IL1RAPL1: variants seen among roughly 807,000 people sequenced by gnomAD.
IL1RAPL1 encodes the protein interleukin 1 receptor accessory protein like 1.
Under a neutral mutation model 48.4 loss-of-function variants are expected in IL1RAPL1, and 3 were observed. The observed-to-expected ratio is 0.06, with a 90% confidence interval of 0.03 to 0.16. The LOEUF (loss-of-function observed/expected upper bound fraction) is 0.16, where lower values mean the gene tolerates loss of function less well. IL1RAPL1 is among the 10% of genes least tolerant of loss of function. The probability of loss-of-function intolerance (pLI) is 1.00; values close to 1 mark genes in which losing one functional copy is unlikely to be tolerated. For synonymous variants in IL1RAPL1, 185 were observed against 187.7 expected, an observed-to-expected ratio of 0.99 and a Z score of 0.12; for missense variants, 349 against 530.6, an observed-to-expected ratio of 0.66 and a Z score of 3.36.
intron 2 of IL1RAPL1, among the ~76,000 whole-genome samples, chrX:29,000,111 T>C (rs1345152484): frequency 1.8e-5 from 2 of 111,243 alleles, no homozygotes; most frequent in Non-Finnish European, 3.8e-5. Flanking sequence ...CTTGCCTTTA[T>C]CAAAGACAGA....
intron 6 of IL1RAPL1, among the ~76,000 whole-genome samples, chrX:29,735,113 A>G (rs147230527): frequency 0.01 from 1,134 of 112,081 alleles, 12 homozygotes; most frequent in African/African-American, 0.034. Context: ...AGCTAAAATC[A>G]AGGTATTGGC....
rs148373980 is a variant in IL1RAPL1, at chrX:28,717,893, T to C, written c.-24-71427T>C. ...TCTGTTGCATTTAGATGCAAAATAA[T>C]CTAATGTAGTATTTTCCACAATGAG... On this transcript the variant is annotated intron_variant, in intron 1 of 10. Coordinates refer to ENST00000378993, the MANE Select transcript of IL1RAPL1 (RefSeq NM_014271.4). 1.6e-4 allele frequency among the ~76,000 whole-genome samples: 18 copies of C among 111,591 alleles called. No homozygotes were observed. The East Asian group carries it at 4.8e-3, about 30-fold the overall frequency.
At chrX:28,604,253 C>A (rs1163805063) in intron 1 of IL1RAPL1, among the ~76,000 whole-genome samples, 1 of 111,168 alleles carries the variant, frequency 9.0e-6, no homozygotes, top group African/African-American at 3.3e-5. Context: ...CTCCCAATTG[C>A]AGAAGACATC....
intron 5 of IL1RAPL1, among the ~76,000 whole-genome samples, chrX:29,408,788 T>A (rs780069809): frequency 8.9e-6 from 1 of 112,230 alleles, no homozygotes; most frequent in Non-Finnish European, 1.9e-5. Context: ...GTTAAGTGGC[T>A]TTATCAAGGT....
chrX:29,021,214 GGA>G (rs1926358619), intron 2 of IL1RAPL1, among the ~76,000 whole-genome samples: 7 of 30,903 alleles, frequency 2.3e-4, no homozygotes, highest in African/African-American at 9.8e-4. Flanking sequence ...TCCGTCTCAA[GGA>G]AAAAAAAAAA....
intron 5 of IL1RAPL1, among the ~76,000 whole-genome samples, chrX:29,541,749 A>G (rs1007356269): frequency 3.6e-5 from 4 of 110,904 alleles, no homozygotes; most frequent in African/African-American, 1.3e-4. Flanking sequence ...ACTTATGGAT[A>G]TAAAGAAGGC....
chrX:29,559,718 C>T (rs937233651), intron 5 of IL1RAPL1, among the ~76,000 whole-genome samples: 1 of 109,294 alleles, frequency 9.1e-6, no homozygotes, highest in Non-Finnish European at 1.9e-5. Context: ...TTACATAAAA[C>T]ATCTAATAGT....
intron 2 of IL1RAPL1, among the ~76,000 whole-genome samples, chrX:29,205,305 A>G (rs1475947251): frequency 1.8e-5 from 2 of 112,038 alleles, no homozygotes; most frequent in Non-Finnish European, 3.8e-5. Context: ...TTACTTTTCT[A>G]TACTTATAGT....
At position 28,664,697 on chromosome X, in the gene IL1RAPL1, C is replaced by G. The variant is rs945342042; in HGVS notation, c.-25+76650C>G. Among the ~76,000 whole-genome samples, 12 of 111,648 alleles carry G rather than the reference C, an allele frequency of 1.1e-4. No homozygotes were observed. The East Asian group carries it at 2.0e-3, about 18-fold the overall frequency. On this transcript the variant is annotated intron_variant, in intron 1 of 10. Coordinates refer to ENST00000378993, the MANE Select transcript of IL1RAPL1 (RefSeq NM_014271.4). ...TGTGCTGTCCCTACCTAATAATCCT[C>G]TTTTCCCTACATGCTGATCACCTCT...
At chrX:29,838,558 G>T (rs981699093) in intron 6 of IL1RAPL1, among the ~76,000 whole-genome samples, 2 of 111,812 alleles carry the variant, frequency 1.8e-5, no homozygotes, top group Admixed American at 1.9e-4. Flanking sequence ...TTTGAGATTT[G>T]TGCACATCTT....
At chrX:29,868,719 G>A (rs918016666) in intron 6 of IL1RAPL1, among the ~76,000 whole-genome samples, 3 of 112,485 alleles carry the variant, frequency 2.7e-5, no homozygotes, top group South Asian at 3.6e-4. Flanking sequence ...AGATACAGCA[G>A]CAAATGCTTA....
intron 1 of IL1RAPL1, among the ~76,000 whole-genome samples, chrX:28,598,397 T>A (rs1212328807): frequency 2.7e-5 from 3 of 111,759 alleles, no homozygotes. Flanking sequence ...TTTCCCATAC[T>A]GTATCTGATC....
intron 2 of IL1RAPL1, among the ~76,000 whole-genome samples, chrX:28,846,070 T>C (rs1393803051): frequency 8.9e-6 from 1 of 112,237 alleles, no homozygotes; most frequent in African/African-American, 3.2e-5. Flanking sequence ...CCTCTTTAGT[T>C]CTCCTATTCA....
At chrX:29,936,308 G>A (rs918682051) in intron 8 of IL1RAPL1, among the ~76,000 whole-genome samples, 2 of 111,103 alleles carry the variant, frequency 1.8e-5, no homozygotes, top group Admixed American at 1.9e-4. Flanking sequence ...AAAAAGAAAT[G>A]TACCTGGTGA....
At chrX:28,917,799 A>T (rs922370030) in intron 2 of IL1RAPL1, among the ~76,000 whole-genome samples, 4 of 112,456 alleles carry the variant, frequency 3.6e-5, no homozygotes, top group African/African-American at 9.7e-5. Flanking sequence ...AAACATTTTA[A>T]GTGTACAGTT....
At chrX:29,238,740 C>T (rs1438650698) in intron 2 of IL1RAPL1, among the ~76,000 whole-genome samples, 2 of 112,138 alleles carry the variant, frequency 1.8e-5, no homozygotes, top group Non-Finnish European at 3.8e-5. Flanking sequence ...TATTCAGTGA[C>T]TTACAATTGT....
chrX:28,711,197 T>C (rs1472442528), intron 1 of IL1RAPL1, among the ~76,000 whole-genome samples: 2 of 111,592 alleles, frequency 1.8e-5, no homozygotes, highest in African/African-American at 3.3e-5. Flanking sequence ...ACTGGTCAGA[T>C]TGTAGATTTA....
chrX:29,379,782 T>G (rs986109922), intron 3 of IL1RAPL1, among the ~76,000 whole-genome samples: 1 of 112,079 alleles, frequency 8.9e-6, no homozygotes, highest in Admixed American at 9.5e-5. Context: ...GTATTCAAAT[T>G]ATGTTGCTTT....
chrX:28,752,123 A>G (rs1369744964), intron 1 of IL1RAPL1, among the ~76,000 whole-genome samples: 1 of 112,286 alleles, frequency 8.9e-6, no homozygotes, highest in African/African-American at 3.2e-5. Context: ...TTTTATTTTT[A>G]AAAAATGGGC....
Sources: gnomAD v4.1 joint callset for allele counts (sites outside exome capture counted in the v4.1 genomes callset) on GRCh38, gnomAD v4.1.1 for gene constraint, MANE v1.5 for transcripts, NCBI Gene and HGNC (gene_info 2026-07-23, HGNC 2026-07-21) for gene names.